MATN1: variants seen among roughly 807,000 people sequenced by gnomAD.
MATN1 encodes matrilin-1.
MATN1 carries 34 observed loss-of-function variants against 41.3 expected under a neutral mutation model. That is an observed-to-expected ratio of 0.82 (90% CI 0.63 to 1.10). The LOEUF (loss-of-function observed/expected upper bound fraction) is 1.10, where lower values mean the gene tolerates loss of function less well. Ranked by LOEUF, MATN1 falls within the 50% of genes least tolerant of loss-of-function variation. The pLI, the probability that MATN1 is intolerant of heterozygous loss-of-function variation, is 0.00. For missense variants in MATN1, 602 were observed against 662.4 expected, an observed-to-expected ratio of 0.91 and a Z score of 1.00; for synonymous variants, 264 against 278.7, an observed-to-expected ratio of 0.95 and a Z score of 0.53.
intron 3 of MATN1, among the ~76,000 whole-genome samples, chr1:30,717,776 T>A (rs538950016): frequency 3.8e-4 from 57 of 151,222 alleles, no homozygotes; most frequent in African/African-American, 1.3e-3. Context: ...TGGCGCAGCC[T>A]CCCGAGTAGC....
At chr1:30,717,010 T>C in intron 3 of MATN1, 95 bp from the exon 4 acceptor site, 1 of 1,363,210 alleles carries the variant, frequency 7.3e-7, no homozygotes, top group South Asian at 1.5e-5. Flanking sequence ...CCAGGCCCCA[T>C]CCAGACTCAG....
intron 7 of MATN1, 166 bp from the exon 8 acceptor site, chr1:30,713,797 C>G: frequency 1.5e-6 from 1 of 661,652 alleles, no homozygotes; most frequent in Non-Finnish European, 2.8e-6. Flanking sequence ...AAAACACAGC[C>G]AGTTACTGTG....
chr1:30,718,890 G>T lies in MATN1; in HGVS notation c.509C>A (p.Ala170Asp), dbSNP rs961208194. 1 of 1,588,064 alleles carries T rather than the reference G, an allele frequency of 6.3e-7. No homozygotes were observed. The highest frequency in any genetic ancestry group is 1.3e-5 in the African/African-American group (1 of 74,380). The change falls in exon 3 of 8, where the codon GCC (alanine) becomes GAC (aspartate). Residue 170 changes from alanine (A) to aspartate (D), a missense_variant. Physicochemically the swap from Ala to Asp is moderately radical, Grantham distance 126. Transcript: ENST00000373765. Reference sequence around the variant, plus strand: ...GATGGCGAACAGCTCGACGCCGCTGGCCCGGGCCCGCGCAGACACGTCCTG... The same window carrying T: ...GATGGCGAACAGCTCGACGCCGCTGTCCCGGGCCCGCGCAGACACGTCCTG... ...SVQDVSARAR[A>D]SGVELFAIGV...
At chr1:30,713,855 G>T (rs978262751) in intron 7 of MATN1, 25 of 602,150 alleles carry the variant, frequency 4.2e-5, no homozygotes, top group Non-Finnish European at 6.0e-5. Context: ...GACCTGCTGG[G>T]TTCCCCACCT....
chr1:30,717,717 C>T (rs1391458297), intron 3 of MATN1, among the ~76,000 whole-genome samples: 1 of 145,930 alleles, frequency 6.9e-6, no homozygotes, highest in African/African-American at 2.6e-5. Context: ...TGCAGTGGCA[C>T]GATCTCGGCT....
rs992381448 is a variant in MATN1, at chr1:30,712,314, A to C, written c.*1268T>G. On this transcript the variant is annotated 3_prime_UTR_variant, in exon 8 of 8. Transcript: ENST00000373765. ...AGGGTGTGACCTGCAGACCCCACAT[A>C]GGGCTGGAGGAAGGGAACATGGGGC... The C allele has an allele frequency of 6.6e-6, 1 of 152,218 alleles. No individual in the cohort carries two copies. Among genetic ancestry groups the C allele is most frequent in the Non-Finnish European group, 1.5e-5 (1 of 68,092 alleles). 9.4% of individuals were successfully genotyped at this position (152,218 alleles called of 1,614,324 possible).
rs1639574794 is a variant in MATN1 at position 30,713,219 on chromosome 1, C to G, written c.*363G>C. The G allele has an allele frequency of 4.2e-6, 1 of 240,644 alleles. No individual in the cohort carries two copies. Among genetic ancestry groups the G allele is most frequent in the African/African-American group, 2.2e-5 (1 of 45,654 alleles). 14.9% of individuals were successfully genotyped at this position (240,644 alleles called of 1,614,324 possible). ...ATAGAGAAATCAGTAAAGAAATTCA[C>G]AGCACTCAGAGTCAAGAAAGGGTTA... is the stretch of plus-strand genomic sequence containing the variant. On this transcript the variant is annotated 3_prime_UTR_variant, in exon 8 of 8. Transcript: ENST00000373765.
chr1:30,713,870 C>T, intron 7 of MATN1: 1 of 593,604 alleles, frequency 1.7e-6, no homozygotes, highest in South Asian at 2.0e-5. Context: ...CCACCTAGTC[C>T]TGGCTGAGCC....
chr1:30,717,073 C>T (rs1639627766), intron 3 of MATN1, among the ~76,000 whole-genome samples, 158 bp from the exon 4 acceptor site: 1 of 152,222 alleles, frequency 6.6e-6, no homozygotes, highest in South Asian at 2.1e-4. Flanking sequence ...TCTCAGCCCA[C>T]GTCTGGAATC....
Position 30,721,485 on chromosome 1 carries a change from C to T in MATN1, c.361G>A (p.Gly121Ser), listed in dbSNP as rs199984466. ...GTGATAGCGAACTGGATGGCCAGGC[C>T]GGTCATGGTGCCTGTGGACAGCGGC... The part of the protein sequence containing the change: ...IQPLSTGTMT[G>S]LAIQFAITKA... The change falls in exon 2 of 8, where the codon GGC becomes AGC. Residue 121 changes from glycine (G) to serine (S), a missense_variant. Physicochemically the swap from Gly to Ser is moderately conservative, Grantham distance 56 (BLOSUM62 0). Coordinates refer to ENST00000373765, the MANE Select transcript of MATN1 (RefSeq NM_002379.3). The T allele has an allele frequency of 7.4e-6, 12 of 1,613,408 alleles. No individual in the cohort carries two copies. The highest frequency in any genetic ancestry group is 1.3e-5 in the African/African-American group (1 of 74,914).
chr1:30,718,533 T>C (rs1569832101), intron 3 of MATN1: 1 of 114,044 alleles, frequency 8.8e-6, no homozygotes, highest in Non-Finnish European at 1.6e-5. Flanking sequence ...CGCCCCCGGC[T>C]CCTCCCCGGC....
At chr1:30,719,474 T>C (rs952574038) in intron 2 of MATN1, 1 of 154,356 alleles carries the variant, frequency 6.5e-6, no homozygotes, top group African/African-American at 2.4e-5. Flanking sequence ...CCGGGGACCC[T>C]GGACCAGGGA....
chr1:30,716,923 G>T lies in MATN1; in HGVS notation c.665-8C>A. On this transcript the variant is annotated splice_region_variant and splice_polypyrimidine_tract_variant and intron_variant, in intron 3 of 7. Coordinates refer to ENST00000373765, the MANE Select transcript of MATN1 (RefSeq NM_002379.3). Reference sequence around the variant, plus strand: ...CGCACAGGTCTGACACCACTGCGGGGACAATAAGTAGCTCAGATCTCACAG... The same window carrying T: ...CGCACAGGTCTGACACCACTGCGGGTACAATAAGTAGCTCAGATCTCACAG... 1 of 1,610,128 alleles carries T rather than the reference G, an allele frequency of 6.2e-7. No homozygotes were observed.
rs759118830 is a variant in MATN1, at chr1:30,716,920, G to A, written c.665-5C>T. ...TGGCGCACAGGTCTGACACCACTGCGGGGACAATAAGTAGCTCAGATCTCA... is the reference window on the plus strand; with the variant it reads ...TGGCGCACAGGTCTGACACCACTGCAGGGACAATAAGTAGCTCAGATCTCA... On this transcript the variant is annotated splice_region_variant and splice_polypyrimidine_tract_variant and intron_variant, in intron 3 of 7. Coordinates refer to ENST00000373765, the MANE Select transcript of MATN1 (RefSeq NM_002379.3). 1.3e-5 allele frequency: 21 copies of A among 1,610,776 alleles called. No individual in the cohort carries two copies. The highest frequency in any genetic ancestry group is 8.4e-5 in the Admixed American group (5 of 59,746).
chr1:30,723,190 G>C (rs1174622933), intron 1 of MATN1, among the ~76,000 whole-genome samples: 2 of 152,178 alleles, frequency 1.3e-5, no homozygotes, highest in Non-Finnish European at 2.9e-5. Context: ...CCAGCTCTCT[G>C]AGTAGCTTCT....
rs151156355 is a variant in MATN1, at chr1:30,716,124, C to T, written c.992G>A (p.Arg331His). The stretch of plus-strand genomic sequence containing the variant: ...CTTGATGTCCTTCTTGGTGTGGAAG[C>T]GACCCAGGGGGAACTCCTGGCGCAC... ...SSVRQEFPLG[R>H]FHTKKDIKAA... Residue 331 changes from arginine to histidine, a missense_variant, in exon 5 of 8, where the codon CGC (arginine) becomes CAC (histidine). Physicochemically the swap from Arg to His is conservative, Grantham distance 29. Coordinates refer to ENST00000373765, the MANE Select transcript of MATN1 (RefSeq NM_002379.3). 34 of 1,614,202 alleles carry T rather than the reference C, an allele frequency of 2.1e-5. No individual in the cohort carries two copies. Among genetic ancestry groups the T allele is most frequent in the African/African-American group, 1.1e-4 (8 of 75,048 alleles).
At chr1:30,717,038 A>C in intron 3 of MATN1, 123 bp from the exon 4 acceptor site, 10 of 1,124,350 alleles carry the variant, frequency 8.9e-6, no homozygotes, top group Non-Finnish European at 1.1e-5. Flanking sequence ...AAGATCTCCA[A>C]CATACTGGGG....
chr1:30,718,088 C>T (rs1639643235), intron 3 of MATN1, among the ~76,000 whole-genome samples: 1 of 152,190 alleles, frequency 6.6e-6, no homozygotes, highest in Non-Finnish European at 1.5e-5. Flanking sequence ...CCAGGTTCCA[C>T]CCCCAATCCA....
In MATN1 at chr1:30,713,398, C is replaced by T. The variant is rs889876713; in HGVS notation, c.*184G>A. ...ACGTGCACACACACACACACACACA[C>T]ACATGCACACATACACACACGCACA... On this transcript the variant is annotated 3_prime_UTR_variant, in exon 8 of 8. Coordinates refer to ENST00000373765, the MANE Select transcript of MATN1 (RefSeq NM_002379.3). The T allele has an allele frequency of 1.4e-4, 92 of 634,494 alleles. No homozygotes were observed. In the East Asian group the frequency reaches 2.4e-3, roughly 17 times the overall value. The allele number at this position is 634,494 out of a possible 1,614,324, so 39.3% of individuals were successfully genotyped here.
Sources: gnomAD v4.1 joint callset for allele counts (sites outside exome capture counted in the v4.1 genomes callset) on GRCh38, gnomAD v4.1.1 for gene constraint, MANE v1.5 for transcripts, NCBI Gene and HGNC (gene_info 2026-07-23, HGNC 2026-07-21) for gene names.